Variants in CGN observed in about 807,000 individuals in gnomAD.
CGN encodes cingulin.
In CGN, 121 loss-of-function variants were observed where a neutral mutation model predicts 157.1. The ratio of observed to expected loss-of-function variants is 0.77; its 90% confidence interval spans 0.66 to 0.90. CGN has a LOEUF of 0.90. CGN is among the 40% of genes least tolerant of loss of function. CGN has a pLI of 0.00. For synonymous variants in CGN, 535 were observed against 607.5 expected (o/e 0.88, Z 1.76); for missense variants, 1,424 against 1,520.9 (o/e 0.94, Z 1.06).
chr1:151,531,104 G>A (rs1299909981), intron 13 of CGN, among the ~76,000 whole-genome samples: 1 of 151,502 alleles, frequency 6.6e-6, no homozygotes, highest in Non-Finnish European at 1.5e-5. Flanking sequence ...TCATGCCACT[G>A]CACTTCAGCC....
rs1391267694 is a variant in CGN, at chr1:151,520,203, A to T, written c.911A>T (p.Glu304Val). Residue 304 changes from glutamate (E) to valine (V), a missense_variant, in exon 3 of 21, where the codon GAG (glutamate) becomes GTG (valine). Around this residue, in one of 3 missense-constraint regions of CGN, gnomAD observed 1,187 missense variants for 1,217.6 expected, o/e 0.97. Coordinates refer to ENST00000271636, the MANE Select transcript of CGN (RefSeq NM_020770.3). ...STPDLLRDQQ[E>V]AAPPGSVDHM... ...CCAGACCTCCTTCGAGACCAGCAGG[A>T]GGCAGCCCCACCAGGCAGTGTGGAC... 1 of 1,613,308 alleles carries T rather than the reference A, an allele frequency of 6.2e-7. No homozygotes were observed. The highest frequency in any genetic ancestry group is 8.5e-7 in the Non-Finnish European group (1 of 1,179,858).
rs1335909462 is a variant in CGN at position 151,536,724 on chromosome 1, G to T, written c.3307-6G>T. ...TTCAGATGTGTGGACTTGGTATCCT[G>T]CCCAGCTAAGCCTGAGGGTGAAGGC... On this transcript the variant is annotated splice_region_variant and splice_polypyrimidine_tract_variant and intron_variant, in intron 19 of 20. Coordinates refer to ENST00000271636, the MANE Select transcript of CGN (RefSeq NM_020770.3). 1.2e-6 allele frequency: 2 copies of T among 1,613,920 alleles called. No individual in the cohort carries two copies. The highest frequency in any genetic ancestry group is 3.3e-5 in the Admixed American group (2 of 60,006).
chr1:151,536,919 T>A, intron 20 of CGN, 26 bp downstream of exon 20: 1 of 1,610,210 alleles, frequency 6.2e-7, no homozygotes, highest in Non-Finnish European at 8.5e-7. Flanking sequence ...TTGCCCTTGC[T>A]CCATAGGGAC....
At chr1:151,526,037 TAA>T (rs1481312509) in intron 9 of CGN, among the ~76,000 whole-genome samples, 1 of 150,074 alleles carries the variant, frequency 6.7e-6, no homozygotes. Context: ...TACGCCCAGC[TAA>T]TTTTTGTATT....
chr1:151,536,801 C>T lies in CGN; in HGVS notation c.3378C>T (p.Gly1126=), dbSNP rs1340327998. The part of the protein sequence containing the change: ...EAEEEIERLD[G]LRKKAQREVE... Reference sequence around the variant, plus strand: ...AAGAGGAAATTGAGCGACTGGACGGCCTGAGGAAGAAGGCCCAGCGTGAGG... The same window carrying T: ...AAGAGGAAATTGAGCGACTGGACGGTCTGAGGAAGAAGGCCCAGCGTGAGG... The change falls in exon 20 of 21, where the codon GGC becomes GGT. Residue 1126 remains glycine (G), a synonymous_variant. Transcript: ENST00000271636. 6.2e-7 allele frequency: 1 copy of T among 1,614,116 alleles called. No homozygotes were observed. The highest frequency in any genetic ancestry group is 2.2e-5 in the East Asian group (1 of 44,872).
rs536772994 is a variant in CGN, at chr1:151,531,422, T to C, written c.2571+676T>C. Among the ~76,000 whole-genome samples, 569 of 152,354 alleles carry C rather than the reference T, an allele frequency of 3.7e-3. 2 individuals are homozygous for C. The highest frequency in any genetic ancestry group is 0.013 in the African/African-American group (539 of 41,580). On this transcript the variant is annotated intron_variant, in intron 13 of 20. Transcript: ENST00000271636. ...TAAAAATAAAATTAGCCTGCTGTGG[T>C]GGCTTGTTCCTCAGTTTCTCTTTAT...
At chr1:151,516,542 CTTTT>C (rs11335459) in intron 1 of CGN, among the ~76,000 whole-genome samples, 7 of 127,584 alleles carry the variant, frequency 5.5e-5, no homozygotes, top group Non-Finnish European at 3.4e-5. Context: ...TAAAGTGGCA[CTTTT>C]TTTTTTTTTT....
rs747235870 is a variant in CGN at position 151,537,286 on chromosome 1, C to T, written c.3552C>T (p.Tyr1184=). ...CAGATGAGGAATTCGACAGTGTCTA[C>T]GATCCCTCGTCCATTGCATCACTGC... ...LSSDEEFDSV[Y]DPSSIASLLT... is the part of the protein sequence containing the mutation. Residue 1184 remains tyrosine (Y), a synonymous_variant, in exon 21 of 21, where the codon TAC becomes TAT. Coordinates refer to ENST00000271636, the MANE Select transcript of CGN (RefSeq NM_020770.3). The T allele has an allele frequency of 9.9e-6, 16 of 1,613,822 alleles. No homozygotes were observed. The highest frequency in any genetic ancestry group is 6.6e-5 in the South Asian group (6 of 91,084).
At position 151,536,249 on chromosome 1, in the gene CGN, T is replaced by A. The variant is rs1664965731; in HGVS notation, c.3210T>A (p.Val1070=). The A allele has an allele frequency of 5.6e-6, 9 of 1,601,788 alleles. 1 individual carries two copies. In the Admixed American group the frequency reaches 8.3e-5, roughly 15 times the overall value. ...TACCTCACCTTAGGGAGAAGACAGTTCTGCAGTCTACCAATCGAAAACTGG... is the reference window on the plus strand; with the variant it reads ...TACCTCACCTTAGGGAGAAGACAGTACTGCAGTCTACCAATCGAAAACTGG... ...RLQAEEREKT[V]LQSTNRKLER... The change falls in exon 19 of 21, where the codon GTT becomes GTA. Residue 1070 remains valine (V), a synonymous_variant. Transcript: ENST00000271636.
intron 11 of CGN, 86 bp downstream of exon 11, chr1:151,529,645 G>A (rs1248794645): frequency 2.4e-6 from 3 of 1,241,910 alleles, no homozygotes; most frequent in Non-Finnish European, 3.4e-6. Flanking sequence ...AAAGTTACCT[G>A]TCATGGGTAT....
In CGN at chr1:151,530,482, C is replaced by T; in HGVS notation, c.2314-7C>T. On this transcript the variant is annotated splice_region_variant and splice_polypyrimidine_tract_variant and intron_variant, in intron 12 of 20. Transcript: ENST00000271636. ...TCTCAGTCCAACCCTGCTTCCCTAC[C>T]TCCCAGGCAGAGAAACAGCAGCTGG... 1 of 1,565,008 alleles carries T rather than the reference C, an allele frequency of 6.4e-7. No individual in the cohort carries two copies. The highest frequency in any genetic ancestry group is 8.6e-7 in the Non-Finnish European group (1 of 1,164,722).
rs1665004863 is a variant in CGN at position 151,537,863 on chromosome 1, A to T, written c.*517A>T. ...TGCACAAGTATGGGGCCCATGTGGT[A>T]GTCCCCATACCCCTCCAGTTCCTAT... On this transcript the variant is annotated 3_prime_UTR_variant, in exon 21 of 21. Coordinates refer to ENST00000271636, the MANE Select transcript of CGN (RefSeq NM_020770.3). 1 of 153,110 alleles carries T rather than the reference A, an allele frequency of 6.5e-6. No homozygotes were observed. Among genetic ancestry groups the T allele is most frequent in the African/African-American group, 2.4e-5 (1 of 41,414 alleles). 9.5% of individuals were successfully genotyped at this position (153,110 alleles called of 1,614,324 possible).
chr1:151,519,347 T>C lies in CGN; in HGVS notation c.828T>C (p.Ser276=), dbSNP rs369954904. Reference sequence around the variant, plus strand: ...AGACTCAGGACTGGGTCCTTCAGAGTTTTGAGGAGCCGCGGAGGAGTGCAC... The same window carrying C: ...AGACTCAGGACTGGGTCCTTCAGAGCTTTGAGGAGCCGCGGAGGAGTGCAC... ...SRQTQDWVLQ[S]FEEPRRSAQD... Residue 276 remains serine, a synonymous_variant, in exon 2 of 21, where the codon AGT becomes AGC. Transcript: ENST00000271636. The C allele has an allele frequency of 3.7e-6, 6 of 1,607,310 alleles. No homozygotes were observed. The highest frequency in any genetic ancestry group is 5.1e-6 in the Non-Finnish European group (6 of 1,179,884).
intron 1 of CGN, among the ~76,000 whole-genome samples, chr1:151,513,538 C>T (rs1000503726): frequency 1.3e-5 from 2 of 152,200 alleles, no homozygotes; most frequent in African/African-American, 2.4e-5. Flanking sequence ...ATTCTAATCT[C>T]TATACCTCAA....
Position 151,532,474 on chromosome 1 carries a change from A to G in CGN, c.2644A>G (p.Lys882Glu), listed in dbSNP as rs754400847. Residue 882 changes from lysine (K) to glutamate (E), a missense_variant, in exon 14 of 21, where the codon AAG (lysine) becomes GAG (glutamate). Lys to Glu is a moderately conservative substitution (Grantham distance 56). Around this residue, in one of 3 missense-constraint regions of CGN, gnomAD observed 1,187 missense variants for 1,217.6 expected, o/e 0.97. Transcript: ENST00000271636. Reference protein sequence around the residue: ...LQAQLEDYKEKARREVADAQR... With the variant: ...LQAQLEDYKEEARREVADAQR... ...GGCCCAGCTGGAGGATTATAAGGAAAAGGCCCGGCGGGAGGTGGCAGATGC... is the reference window on the plus strand; with the variant it reads ...GGCCCAGCTGGAGGATTATAAGGAAGAGGCCCGGCGGGAGGTGGCAGATGC... 2 of 1,609,714 alleles carry G rather than the reference A, an allele frequency of 1.2e-6. No homozygotes were observed. The highest frequency in any genetic ancestry group is 1.1e-5 in the South Asian group (1 of 90,416).
At chr1:151,522,182 A>G (rs913741469) in intron 5 of CGN, among the ~76,000 whole-genome samples, 1 of 152,076 alleles carries the variant, frequency 6.6e-6, no homozygotes, top group Non-Finnish European at 1.5e-5. Flanking sequence ...AAGTGGGAGG[A>G]TTTTTTGAGC....
At chr1:151,528,070 C>T (rs1272950395) in intron 10 of CGN, 1 of 152,460 alleles carries the variant, frequency 6.6e-6, no homozygotes, top group Non-Finnish European at 1.4e-5. Context: ...GTTCTCCTGC[C>T]TCAGCCTCCC....
At chr1:151,520,291 A>G in intron 3 of CGN, 25 bp downstream of exon 3, 11 of 1,584,592 alleles carry the variant, frequency 6.9e-6, no homozygotes, top group Non-Finnish European at 9.5e-6. Flanking sequence ...CCCCAACAAC[A>G]GAGGCATACC....
intron 1 of CGN, 23 bp from the exon 2 acceptor site, chr1:151,518,483 A>G (rs1664459131): frequency 1.9e-6 from 3 of 1,558,988 alleles, no homozygotes; most frequent in Admixed American, 1.9e-5. Flanking sequence ...CTCTCAGCCT[A>G]AACTCATTTC....
Sources: gnomAD v4.1 joint callset for allele counts (sites outside exome capture counted in the v4.1 genomes callset) on GRCh38, gnomAD v4.1.1 for gene constraint, gnomAD v4.1.1 regional missense constraint, MANE v1.5 for transcripts, NCBI Gene and HGNC (gene_info 2026-07-23, HGNC 2026-07-21) for gene names.